The following LUZP2 variants were observed in gnomAD, a reference collection of about 807,000 sequenced individuals.
The protein encoded by LUZP2 is leucine zipper protein 2.
LUZP2 carries 52 observed loss-of-function variants against 51.6 expected under a neutral mutation model. The ratio of observed to expected loss-of-function variants is 1.01; its 90% confidence interval spans 0.81 to 1.27. The LOEUF is 1.27. LUZP2 is among the 50% of genes most tolerant of loss of function. LUZP2 has a pLI of 0.00. For missense variants in LUZP2, 436 were observed against 395.4 expected, an observed-to-expected ratio of 1.10 and a Z score of -0.87; for synonymous variants, 154 against 137.3, an observed-to-expected ratio of 1.12 and a Z score of -0.85.
At chr11:24,569,343 A>G (rs552254806) in intron 1 of LUZP2, among the ~76,000 whole-genome samples, 23 of 152,104 alleles carry the variant, frequency 1.5e-4, no homozygotes, top group South Asian at 8.3e-4. Flanking sequence ...AATCCTTTTT[A>G]TATTGATAAG....
intron 7 of LUZP2, among the ~76,000 whole-genome samples, chr11:24,924,891 C>G (rs1438135085): frequency 6.6e-6 from 1 of 151,936 alleles, no homozygotes; most frequent in Non-Finnish European, 1.5e-5. Context: ...TTTGTGGATA[C>G]TAAATTTTTT....
At chr11:24,797,157 A>C (rs765111919) in intron 5 of LUZP2, among the ~76,000 whole-genome samples, 6 of 152,220 alleles carry the variant, frequency 3.9e-5, no homozygotes, top group Non-Finnish European at 8.8e-5. Context: ...TATCAAACAC[A>C]TAAGATAATA....
At chr11:24,943,132 C>G (rs574059614) in intron 7 of LUZP2, among the ~76,000 whole-genome samples, 303 of 152,184 alleles carry the variant, frequency 2.0e-3, no homozygotes, top group African/African-American at 6.9e-3. Flanking sequence ...TCTTGCAGTT[C>G]AGGACATTAT....
chr11:25,004,835 T>A (rs903235355), intron 9 of LUZP2, among the ~76,000 whole-genome samples: 1 of 152,182 alleles, frequency 6.6e-6, no homozygotes, highest in African/African-American at 2.4e-5. Context: ...CAGTAGGGAC[T>A]TTGTCCCTTT....
rs535464229 is a variant in LUZP2, at chr11:24,755,532, G to A, written c.334-7714G>A. Among the ~76,000 whole-genome samples the A allele has an allele frequency of 3.3e-5, 5 of 152,166 alleles. No homozygotes were observed. In the South Asian group the frequency reaches 1.0e-3, roughly 32 times the overall value. On this transcript the variant is annotated intron_variant, in intron 4 of 11. Transcript: ENST00000336930. The stretch of plus-strand genomic sequence containing the variant: ...AAATAACCAAGGATTCGAACATGTT[G>A]CTTTTCTCTTATTAGTTTCATAAAC...
intron 5 of LUZP2, among the ~76,000 whole-genome samples, chr11:24,797,879 T>C (rs1564906024): frequency 1.3e-5 from 2 of 152,178 alleles, no homozygotes; most frequent in South Asian, 2.1e-4. Flanking sequence ...AGTTGCAATG[T>C]TTTCCTCATT....
At chr11:25,057,196 A>G (rs1590883811) in intron 10 of LUZP2, among the ~76,000 whole-genome samples, 1 of 152,158 alleles carries the variant, frequency 6.6e-6, no homozygotes, top group African/African-American at 2.4e-5. Flanking sequence ...AGCAGCTCTG[A>G]AGTTTTAATA....
intron 7 of LUZP2, among the ~76,000 whole-genome samples, chr11:24,968,688 T>A (rs982868464): frequency 1.6e-4 from 25 of 152,212 alleles, no homozygotes; most frequent in African/African-American, 5.5e-4. Context: ...GCCCCACCCC[T>A]GCTCACTTCA....
intron 1 of LUZP2, among the ~76,000 whole-genome samples, chr11:24,627,895 T>A (rs1429697685): frequency 6.6e-6 from 1 of 152,182 alleles, no homozygotes; most frequent in Non-Finnish European, 1.5e-5. Context: ...CTCCCTTCAA[T>A]GTGTGCATAT....
intron 1 of LUZP2, among the ~76,000 whole-genome samples, chr11:24,579,987 A>G (rs993377907): frequency 6.6e-6 from 1 of 152,130 alleles, no homozygotes; most frequent in Non-Finnish European, 1.5e-5. Context: ...CAGGGATAAA[A>G]TAAGTGTGAA....
intron 1 of LUZP2, among the ~76,000 whole-genome samples, chr11:24,508,807 G>A (rs1291577986): frequency 1.3e-5 from 2 of 152,094 alleles, no homozygotes; most frequent in East Asian, 3.9e-4. Flanking sequence ...AGTGCCTTAT[G>A]AAGTGCTTGC....
intron 4 of LUZP2, among the ~76,000 whole-genome samples, chr11:24,758,946 A>C: frequency 6.6e-6 from 1 of 152,106 alleles, no homozygotes; most frequent in East Asian, 1.9e-4. Flanking sequence ...TATCTGAAAA[A>C]ATAAATTAAA....
chr11:24,586,643 G>A (rs1483046096), intron 1 of LUZP2, among the ~76,000 whole-genome samples: 1 of 151,728 alleles, frequency 6.6e-6, no homozygotes, highest in Admixed American at 6.6e-5. Flanking sequence ...ACCTTGTTTT[G>A]GATTATTAAG....
At chr11:25,072,673 T>C (rs566417634) in intron 10 of LUZP2, among the ~76,000 whole-genome samples, 1 of 152,200 alleles carries the variant, frequency 6.6e-6, no homozygotes, top group Non-Finnish European at 1.5e-5. Flanking sequence ...TAATGTAGTG[T>C]AGCTTTTTTA....
chr11:24,913,672 TG>T (rs1853707151), intron 6 of LUZP2, among the ~76,000 whole-genome samples: 5 of 122,596 alleles, frequency 4.1e-5, no homozygotes, highest in Non-Finnish European at 7.5e-5. Context: ...TATTTATTTG[TG>T]TGTGTGTGTG....
chr11:24,602,385 T>TACAC lies in LUZP2; in HGVS notation c.62+105081_62+105082insCACA, dbSNP rs1444866024. Among the ~76,000 whole-genome samples, 759 of 86,608 alleles carry TACAC rather than the reference T, an allele frequency of 8.8e-3. 8 individuals are homozygous for TACAC. Among genetic ancestry groups the TACAC allele is most frequent in the South Asian group, 0.029 (66 of 2,266 alleles). 56.8% of individuals were successfully genotyped at this position (86,608 alleles called of 152,430 possible). On this transcript the variant is annotated intron_variant, in intron 1 of 11. Coordinates refer to ENST00000336930, the MANE Select transcript of LUZP2 (RefSeq NM_001009909.4). ...TAAAGTGTGTGTGTGTATATATATA[T>TACAC]ATACACACACACACACACACACACA...
intron 1 of LUZP2, among the ~76,000 whole-genome samples, chr11:24,556,626 T>C (rs563519942): frequency 6.6e-6 from 1 of 152,226 alleles, no homozygotes; most frequent in African/African-American, 2.4e-5. Flanking sequence ...TATATAATAT[T>C]CTCATCAAAT....
intron 1 of LUZP2, among the ~76,000 whole-genome samples, chr11:24,692,264 A>G (rs2133890991): frequency 6.6e-6 from 1 of 152,040 alleles, no homozygotes; most frequent in Non-Finnish European, 1.5e-5. Flanking sequence ...AATGGCCCCA[A>G]CTCATCCTAT....
At chr11:24,665,658 G>T (rs1440134532) in intron 1 of LUZP2, among the ~76,000 whole-genome samples, 1 of 152,110 alleles carries the variant, frequency 6.6e-6, no homozygotes, top group East Asian at 1.9e-4. Flanking sequence ...GCGCTCGGAT[G>T]GTTTTACACA....
Sources: gnomAD v4.1 joint callset for allele counts (sites outside exome capture counted in the v4.1 genomes callset) on GRCh38, gnomAD v4.1.1 for gene constraint, MANE v1.5 for transcripts, NCBI Gene and HGNC (gene_info 2026-07-23, HGNC 2026-07-21) for gene names.